The following AK5 variants were observed in gnomAD, a reference collection of about 807,000 sequenced individuals.
The protein encoded by AK5 is adenylate kinase 5.
A neutral mutation model predicts 69.5 loss-of-function variants in AK5; 27 were observed. That is an observed-to-expected ratio of 0.39 (90% CI 0.29 to 0.54). AK5 has a LOEUF of 0.54. Ranked by LOEUF, AK5 falls within the 20% of genes least tolerant of loss-of-function variation. The probability of loss-of-function intolerance (pLI) is 0.71; values close to 1 mark genes in which losing one functional copy is unlikely to be tolerated. For synonymous variants in AK5, 260 were observed against 244.4 expected, an observed-to-expected ratio of 1.06 and a Z score of -0.60; for missense variants, 531 against 700.4, an observed-to-expected ratio of 0.76 and a Z score of 2.73.
chr1:77,391,834 C>A (rs1191588853), intron 6 of AK5, among the ~76,000 whole-genome samples: 1 of 152,080 alleles, frequency 6.6e-6, no homozygotes, highest in Non-Finnish European at 1.5e-5. Context: ...TTCTTCGTTA[C>A]ACCAAATGCT....
intron 8 of AK5, among the ~76,000 whole-genome samples, chr1:77,442,006 G>T (rs923138285): frequency 6.6e-6 from 1 of 152,124 alleles, no homozygotes; most frequent in African/African-American, 2.4e-5. Flanking sequence ...CACAGCCCTG[G>T]CCTGACTCCA....
At chr1:77,299,021 A>G (rs1371471198) in intron 5 of AK5, among the ~76,000 whole-genome samples, 1 of 152,160 alleles carries the variant, frequency 6.6e-6, no homozygotes, top group Non-Finnish European at 1.5e-5. Context: ...GCATACATAC[A>G]TGTATGGACA....
chr1:77,402,974 T>A (rs530916108), intron 6 of AK5, among the ~76,000 whole-genome samples: 2 of 152,044 alleles, frequency 1.3e-5, no homozygotes, highest in African/African-American at 4.8e-5. Context: ...CCTGACTTTT[T>A]AATGATTGCC....
At chr1:77,475,418 C>A (rs1330407207) in intron 8 of AK5, among the ~76,000 whole-genome samples, 3 of 82,004 alleles carry the variant, frequency 3.7e-5, no homozygotes, top group South Asian at 3.3e-4. Flanking sequence ...TATATATATA[C>A]TATATATTAT....
intron 13 of AK5, among the ~76,000 whole-genome samples, chr1:77,541,093 A>G (rs1659243978): frequency 6.6e-6 from 1 of 152,058 alleles, no homozygotes; most frequent in African/African-American, 2.4e-5. Context: ...TTTTTATTAG[A>G]GATGGGGTTT....
chr1:77,290,001 C>T (rs2689683), intron 2 of AK5, among the ~76,000 whole-genome samples: 22,976 of 149,968 alleles, frequency 0.15, 2,204 homozygotes, highest in Non-Finnish European at 0.2. Context: ...TAAGCTAAAA[C>T]AAGAATGGAA....
At chr1:77,501,578 A>G (rs1656721561) in intron 10 of AK5, among the ~76,000 whole-genome samples, 1 of 152,236 alleles carries the variant, frequency 6.6e-6, no homozygotes, top group East Asian at 1.9e-4. Flanking sequence ...TGTGTATTTC[A>G]GCATAGAAAA....
At chr1:77,412,333 T>C (rs1194121800) in intron 7 of AK5, among the ~76,000 whole-genome samples, 3 of 152,152 alleles carry the variant, frequency 2.0e-5, no homozygotes, top group African/African-American at 7.2e-5. Flanking sequence ...GTAAAGTGCA[T>C]AGTGCCTGAG....
At chr1:77,437,221 T>C (rs1297573429) in intron 8 of AK5, among the ~76,000 whole-genome samples, 2 of 152,156 alleles carry the variant, frequency 1.3e-5, no homozygotes, top group Non-Finnish European at 2.9e-5. Context: ...TATTATGTTT[T>C]TGATAACATA....
At chr1:77,357,295 G>T (rs191614951) in intron 6 of AK5, among the ~76,000 whole-genome samples, 2 of 152,118 alleles carry the variant, frequency 1.3e-5, no homozygotes, top group Non-Finnish European at 2.9e-5. Flanking sequence ...TTGAATTCTG[G>T]CAAGTCTCTT....
chr1:77,525,017 G>C (rs193245692), intron 12 of AK5, among the ~76,000 whole-genome samples: 1 of 151,980 alleles, frequency 6.6e-6, no homozygotes, highest in Non-Finnish European at 1.5e-5. Flanking sequence ...AGCAATTCTC[G>C]TGCCTCAGCC....
At chr1:77,399,435 G>A (rs1040698597) in intron 6 of AK5, among the ~76,000 whole-genome samples, 10 of 152,022 alleles carry the variant, frequency 6.6e-5, no homozygotes, top group Admixed American at 2.6e-4. Context: ...GCTTTGAATC[G>A]ACTGTCTCCT....
intron 6 of AK5, 174 bp downstream of exon 6, chr1:77,340,742 GT>G (rs1037611188): frequency 4.1e-5 from 15 of 369,282 alleles, no homozygotes; most frequent in African/African-American, 1.1e-4. Flanking sequence ...AAGCCATCAT[GT>G]TTTTTTAAAA....
intron 10 of AK5, among the ~76,000 whole-genome samples, chr1:77,504,486 TA>T (rs1375701376): frequency 6.6e-6 from 1 of 152,100 alleles, no homozygotes; most frequent in Non-Finnish European, 1.5e-5. Context: ...TCATATAATT[TA>T]AAAACCTACT....
chr1:77,301,854 AG>A (rs1214970811), intron 5 of AK5, among the ~76,000 whole-genome samples: 2 of 152,238 alleles, frequency 1.3e-5, no homozygotes, highest in Non-Finnish European at 1.5e-5. Flanking sequence ...GGGATTGCAA[AG>A]GTCCTTGCCC....
At chr1:77,298,164 A>T (rs1378335710) in intron 5 of AK5, 1 of 443,922 alleles carries the variant, frequency 2.3e-6, no homozygotes, top group African/African-American at 2.0e-5. Flanking sequence ...AACTAATAAT[A>T]GAATTCATTT....
At chr1:77,498,497 C>T (rs1410915771) in intron 10 of AK5, among the ~76,000 whole-genome samples, 2 of 152,182 alleles carry the variant, frequency 1.3e-5, no homozygotes, top group Non-Finnish European at 2.9e-5. Context: ...TACATGAGTT[C>T]GAATGTCGGC....
chr1:77,305,574 A>G (rs1380452644), intron 5 of AK5, among the ~76,000 whole-genome samples: 1 of 152,130 alleles, frequency 6.6e-6, no homozygotes, highest in African/African-American at 2.4e-5. Context: ...TTTTCCCAGA[A>G]CCATTTATTA....
chr1:77,425,073 C>G (rs1224018464), intron 8 of AK5, among the ~76,000 whole-genome samples: 1 of 152,110 alleles, frequency 6.6e-6, no homozygotes, highest in Non-Finnish European at 1.5e-5. Flanking sequence ...TTTTTACTTT[C>G]TTTTCAGAAA....
Sources: allele counts gnomAD v4.1 joint callset (sites outside exome capture counted in the v4.1 genomes callset), GRCh38; gene constraint gnomAD v4.1.1; transcripts MANE v1.5; gene names NCBI Gene and HGNC (gene_info 2026-07-23, HGNC 2026-07-21).